Variants in BCAR3 observed in about 807,000 individuals in gnomAD.
BCAR3 encodes the protein breast cancer anti-estrogen resistance protein 3.
A neutral mutation model predicts 80.1 loss-of-function variants in BCAR3; 37 were observed. That is an observed-to-expected ratio of 0.46 (90% CI 0.36 to 0.61). The LOEUF (loss-of-function observed/expected upper bound fraction) is 0.61. Ranked by LOEUF, BCAR3 falls within the 20% of genes least tolerant of loss-of-function variation. The pLI, the probability that BCAR3 is intolerant of heterozygous loss-of-function variation, is 0.00. For missense variants in BCAR3, 978 were observed against 1,068.2 expected (o/e 0.92, Z 1.18); for synonymous variants, 389 against 418.9 (o/e 0.93, Z 0.87).
In BCAR3 at chr1:93,567,099, G is replaced by A. The variant is rs538877099; in HGVS notation, c.2299+180C>T. Among the ~76,000 whole-genome samples the A allele has an allele frequency of 2.6e-5, 4 of 152,266 alleles. No individual in the cohort carries two copies. The South Asian group carries it at 8.3e-4, about 32-fold the overall frequency. ...ACAACAGAACACACAAGGAGAAACA[G>A]GGCACTTGAGTCATTCTGGAATTAA... On this transcript the variant is annotated intron_variant, in intron 11 of 11. Transcript: ENST00000260502.
At chr1:93,684,368 A>T (rs2101959039), upstream of BCAR3, among the ~76,000 whole-genome samples, 1 of 152,280 alleles carries the variant, frequency 6.6e-6, no homozygotes, top group African/African-American at 2.4e-5. Context: ...GACCAGAAGA[A>T]AACCTTGGGC....
At chr1:93,709,540 C>G (rs1379468937) in intron 2 of BCAR3, among the ~76,000 whole-genome samples, 1 of 152,162 alleles carries the variant, frequency 6.6e-6, no homozygotes, top group Non-Finnish European at 1.5e-5. Flanking sequence ...AGCCTTCTCT[C>G]TTAGTGTGGG....
At chr1:93,610,951 A>G (rs1215415322) in intron 3 of BCAR3, among the ~76,000 whole-genome samples, 2 of 151,776 alleles carry the variant, frequency 1.3e-5, no homozygotes, top group East Asian at 3.9e-4. Context: ...ACTAGGCTTC[A>G]GCCCAGAAAA....
intron 11 of BCAR3, among the ~76,000 whole-genome samples, chr1:93,566,310 G>A (rs1026284762): frequency 1.3e-5 from 2 of 152,062 alleles, no homozygotes; most frequent in Non-Finnish European, 2.9e-5. Flanking sequence ...AACAATCAAT[G>A]CAGTGTTTTC....
chr1:93,642,232 A>G (rs1462492188), intron 3 of BCAR3, 72 bp downstream of exon 3: 15 of 1,504,682 alleles, frequency 1.0e-5, no homozygotes, highest in Non-Finnish European at 1.4e-5. Context: ...AGCATTATTT[A>G]GCAACTCTGT....
chr1:93,669,334 A>G (rs890394238), intron 2 of BCAR3, among the ~76,000 whole-genome samples: 1 of 152,220 alleles, frequency 6.6e-6, no homozygotes, highest in South Asian at 2.1e-4. Flanking sequence ...GTTTTAGAGG[A>G]AAAAAGCTGC....
chr1:93,688,851 G>C (rs1649068112), intron 3 of BCAR3, among the ~76,000 whole-genome samples: 1 of 152,096 alleles, frequency 6.6e-6, no homozygotes, highest in Non-Finnish European at 1.5e-5. Flanking sequence ...TGGCCAGGCT[G>C]CTCTCAAACT....
At chr1:93,570,048 T>C (rs1188911409) in intron 9 of BCAR3, among the ~76,000 whole-genome samples, 22 of 152,192 alleles carry the variant, frequency 1.4e-4, no homozygotes. Context: ...CTGGCAGAAC[T>C]TATGGGCTGC....
intron 2 of BCAR3, among the ~76,000 whole-genome samples, chr1:93,803,704 G>A (rs956691568): frequency 6.6e-6 from 1 of 152,116 alleles, no homozygotes; most frequent in Non-Finnish European, 1.5e-5. Flanking sequence ...TGGCACTATA[G>A]ACTTAAAGAA....
chr1:93,763,013 A>G (rs1442356709), intron 2 of BCAR3, among the ~76,000 whole-genome samples: 1 of 152,192 alleles, frequency 6.6e-6, no homozygotes, highest in Non-Finnish European at 1.5e-5. Flanking sequence ...ATTCCAAAAG[A>G]CAAATACAAT....
intron 2 of BCAR3, among the ~76,000 whole-genome samples, chr1:93,730,767 G>A (rs1043811936): frequency 6.6e-6 from 1 of 152,204 alleles, no homozygotes; most frequent in African/African-American, 2.4e-5. Flanking sequence ...AAGATTCCAA[G>A]TAATATGTGT....
At chr1:93,673,580 GGCT>G (rs1277045407) in intron 2 of BCAR3, among the ~76,000 whole-genome samples, 5 of 152,316 alleles carry the variant, frequency 3.3e-5, no homozygotes, top group African/African-American at 1.2e-4. Context: ...TAGCATCACA[GGCT>G]GCTGATCTTC....
intron 3 of BCAR3, among the ~76,000 whole-genome samples, chr1:93,637,255 C>T (rs891064321): frequency 6.6e-6 from 1 of 152,004 alleles, no homozygotes; most frequent in African/African-American, 2.4e-5. Flanking sequence ...CTGCAACCTC[C>T]GCCCCCCAGG....
intron 2 of BCAR3, among the ~76,000 whole-genome samples, chr1:93,711,607 G>A (rs1396099734): frequency 6.6e-6 from 1 of 152,202 alleles, no homozygotes; most frequent in Non-Finnish European, 1.5e-5. Flanking sequence ...AAGCCGCAAA[G>A]GGGTGTGGAT....
chr1:93,699,556 C>A (rs1649563204), intron 3 of BCAR3, among the ~76,000 whole-genome samples: 1 of 152,110 alleles, frequency 6.6e-6, no homozygotes, highest in South Asian at 2.1e-4. Flanking sequence ...ATATACCGGC[C>A]TCAGTGATTC....
intron 3 of BCAR3, among the ~76,000 whole-genome samples, chr1:93,616,006 G>A (rs1409643810): frequency 2.0e-5 from 3 of 152,176 alleles, no homozygotes; most frequent in South Asian, 2.1e-4. Context: ...CCCAGAAATC[G>A]TGAATGAAAT....
chr1:93,732,730 C>G (rs150357840), intron 2 of BCAR3, among the ~76,000 whole-genome samples: 10 of 152,208 alleles, frequency 6.6e-5, no homozygotes, highest in Non-Finnish European at 1.5e-4. Flanking sequence ...GAGATCCCAC[C>G]GTCCTTCAGC....
In BCAR3 at chr1:93,587,402, G is replaced by T. The variant is rs538145064; in HGVS notation, c.929+1575C>A. Among the ~76,000 whole-genome samples the T allele has an allele frequency of 9.4e-4, 143 of 152,286 alleles. 1 individual carries two copies. The highest frequency in any genetic ancestry group is 3.2e-3 in the African/African-American group (134 of 41,560). ...CTAGCACCTCCTCTGTGCCTGCACT[G>T]TTCTGAGCACTTTGCATATATTAAA... On this transcript the variant is annotated intron_variant, in intron 5 of 11. Coordinates refer to ENST00000260502, the MANE Select transcript of BCAR3 (RefSeq NM_003567.4).
intron 2 of BCAR3, among the ~76,000 whole-genome samples, chr1:93,643,410 G>C (rs1356207397): frequency 6.6e-6 from 1 of 150,948 alleles, no homozygotes; most frequent in African/African-American, 2.4e-5. Flanking sequence ...GCTGGGCGTA[G>C]TGGTGAGTGC....
Sources: gnomAD v4.1 joint callset for allele counts (sites outside exome capture counted in the v4.1 genomes callset) on GRCh38, gnomAD v4.1.1 for gene constraint, MANE v1.5 for transcripts, NCBI Gene and HGNC (gene_info 2026-07-23, HGNC 2026-07-21) for gene names.